Variants in ZNF536 observed in about 807,000 individuals in gnomAD.
The protein encoded by ZNF536 is zinc finger protein 536.
A neutral mutation model predicts 84.5 loss-of-function variants in ZNF536; 13 were observed. The ratio of observed to expected loss-of-function variants is 0.15; its 90% confidence interval spans 0.10 to 0.24. The LOEUF (loss-of-function observed/expected upper bound fraction) is 0.24, where lower values mean the gene tolerates loss of function less well. Among genes scored for constraint, ZNF536 ranks in the 10% least tolerant of loss-of-function variants. The pLI, the probability that ZNF536 is intolerant of heterozygous loss-of-function variation, is 1.00. For missense variants in ZNF536, 1,536 were observed against 1,747.5 expected (o/e 0.88, Z 2.16); for synonymous variants, 811 against 742.5 (o/e 1.09, Z -1.50).
chr19:30,277,547 C>T (rs1299251094), intron 1 of ZNF536, among the ~76,000 whole-genome samples: 4 of 152,196 alleles, frequency 2.6e-5, no homozygotes, highest in Non-Finnish European at 4.4e-5. Context: ...GGCAGCCCTA[C>T]GCGCTCTGTG....
chr19:30,392,877 A>C (rs918332620), intron 1 of ZNF536, among the ~76,000 whole-genome samples: 2 of 152,168 alleles, frequency 1.3e-5, no homozygotes, highest in Non-Finnish European at 2.9e-5. Flanking sequence ...TAATTTTTTA[A>C]ATTGCTTGGT....
chr19:30,627,722 A>G (rs888893707), intron 1 of ZNF536, among the ~76,000 whole-genome samples: 2 of 152,296 alleles, frequency 1.3e-5, no homozygotes, highest in African/African-American at 4.8e-5. Flanking sequence ...GCTGAGCTGT[A>G]GAAGACACAG....
chr19:30,234,288 G>A (rs1467724532), intron 1 of ZNF536, among the ~76,000 whole-genome samples: 1 of 152,030 alleles, frequency 6.6e-6, no homozygotes, highest in Non-Finnish European at 1.5e-5. Flanking sequence ...GGCTCCTGGG[G>A]AGTATATTTC....
At chr19:30,458,933 C>T (rs1166885185) in intron 2 of ZNF536, among the ~76,000 whole-genome samples, 2 of 152,206 alleles carry the variant, frequency 1.3e-5, no homozygotes, top group Non-Finnish European at 2.9e-5. Flanking sequence ...TGCCAGGGCC[C>T]CTGCTTTACC....
chr19:30,225,680 ACAAAG>A (rs2022572229), upstream of ZNF536, among the ~76,000 whole-genome samples: 1 of 124,514 alleles, frequency 8.0e-6, no homozygotes, highest in African/African-American at 3.3e-5. Flanking sequence ...GGTAAGGAAA[ACAAAG>A]GTGGGGGGGG....
intron 2 of ZNF536, among the ~76,000 whole-genome samples, chr19:30,313,135 C>A (rs1010844965): frequency 4.6e-5 from 7 of 152,234 alleles, no homozygotes; most frequent in African/African-American, 1.7e-4. Context: ...GAGCCCGGGG[C>A]ACTCACAAGG....
chr19:30,492,067 G>A (rs1349681451), intron 2 of ZNF536, among the ~76,000 whole-genome samples: 1 of 151,032 alleles, frequency 6.6e-6, no homozygotes, highest in Non-Finnish European at 1.5e-5. Flanking sequence ...TAGGCGATGG[G>A]CACAGAATGT....
chr19:30,642,047 A>G (rs1048756073), intron 1 of ZNF536, among the ~76,000 whole-genome samples: 3 of 152,206 alleles, frequency 2.0e-5, no homozygotes, highest in African/African-American at 4.8e-5. Context: ...TCCCTCTGCA[A>G]TGGCTGTGTT....
intron 2 of ZNF536, among the ~76,000 whole-genome samples, chr19:30,495,700 A>C (rs1024336077): frequency 6.6e-6 from 1 of 152,176 alleles, no homozygotes; most frequent in Non-Finnish European, 1.5e-5. Flanking sequence ...GCTGTTCTTT[A>C]TGGGGGTATC....
At chr19:30,458,458 T>TTTTG (rs1568451947) in intron 2 of ZNF536, among the ~76,000 whole-genome samples, 5 of 126,692 alleles carry the variant, frequency 3.9e-5, no homozygotes, top group Admixed American at 2.6e-4. Flanking sequence ...TTTTTTTTTT[T>TTTTG]TTTTTTTTTT....
intron 1 of ZNF536, among the ~76,000 whole-genome samples, chr19:30,634,651 G>A (rs1039418561): frequency 1.3e-5 from 2 of 152,124 alleles, no homozygotes; most frequent in Admixed American, 1.3e-4. Flanking sequence ...GTTCCTGGCT[G>A]TGGTCCTCTC....
intron 1 of ZNF536, among the ~76,000 whole-genome samples, chr19:30,373,383 T>C (rs1442281256): frequency 6.6e-6 from 1 of 152,054 alleles, no homozygotes; most frequent in Non-Finnish European, 1.5e-5. Context: ...CTTTTTTTTT[T>C]CCTAGAAATT....
At chr19:30,374,142 G>A (rs995281522) in intron 1 of ZNF536, among the ~76,000 whole-genome samples, 1 of 152,036 alleles carries the variant, frequency 6.6e-6, no homozygotes. Flanking sequence ...TTAAATATCC[G>A]GGTGCATGAA....
chr19:30,679,835 C>A (rs1452927410), intron 1 of ZNF536, among the ~76,000 whole-genome samples: 1 of 152,234 alleles, frequency 6.6e-6, no homozygotes, highest in African/African-American at 2.4e-5. Context: ...AATTCTCAAC[C>A]TGTTTTGCGG....
intron 2 of ZNF536, among the ~76,000 whole-genome samples, chr19:30,296,904 T>C (rs2046013875): frequency 6.6e-6 from 1 of 152,166 alleles, no homozygotes; most frequent in African/African-American, 2.4e-5. Flanking sequence ...GTTCCCTTCA[T>C]GGGACTTGGG....
chr19:30,701,907 G>C (rs2052001102), intron 1 of ZNF536, among the ~76,000 whole-genome samples: 1 of 152,202 alleles, frequency 6.6e-6, no homozygotes, highest in Non-Finnish European at 1.5e-5. Context: ...GCACTTTGAT[G>C]AGTGGGTGCC....
chr19:30,343,225 G>A (rs946427779), intron 2 of ZNF536, among the ~76,000 whole-genome samples: 2 of 152,194 alleles, frequency 1.3e-5, no homozygotes, highest in African/African-American at 2.4e-5. Flanking sequence ...AAGTTTGAGG[G>A]TTCCAGCAGA....
chr19:30,381,144 C>G (rs970559563), intron 1 of ZNF536, among the ~76,000 whole-genome samples: 1 of 152,204 alleles, frequency 6.6e-6, no homozygotes, highest in Non-Finnish European at 1.5e-5. Context: ...TACCAAAGCA[C>G]TGGGATTACA....
intron 1 of ZNF536, among the ~76,000 whole-genome samples, chr19:30,410,299 TG>T (rs1210650095): frequency 7.9e-5 from 12 of 152,070 alleles, no homozygotes; most frequent in Non-Finnish European, 1.3e-4. Flanking sequence ...ATTCACACAT[TG>T]CACACATATT....
Sources: gnomAD v4.1 joint callset for allele counts (sites outside exome capture counted in the v4.1 genomes callset) on GRCh38, gnomAD v4.1.1 for gene constraint, MANE v1.5 for transcripts, NCBI Gene and HGNC (gene_info 2026-07-23, HGNC 2026-07-21) for gene names.